The following VGLL4 variants were observed in gnomAD, a reference collection of about 807,000 sequenced individuals.
VGLL4 encodes the protein vestigial like family member 4, also known as transcription cofactor vestigial-like protein 4.
In VGLL4, 7 loss-of-function variants were observed where a neutral mutation model predicts 21.0. That is an observed-to-expected ratio of 0.33 (90% CI 0.19 to 0.63). The LOEUF (loss-of-function observed/expected upper bound fraction) is 0.63, where lower values mean the gene tolerates loss of function less well. VGLL4 is among the 20% of genes least tolerant of loss of function. The pLI, the probability that VGLL4 is intolerant of heterozygous loss-of-function variation, is 0.78. For synonymous variants in VGLL4, 222 were observed against 173.2 expected, an observed-to-expected ratio of 1.28 and a Z score of -2.21; for missense variants, 394 against 425.7, an observed-to-expected ratio of 0.93 and a Z score of 0.66.
intron 2 of VGLL4, among the ~76,000 whole-genome samples, chr3:11,590,217 G>A (rs999436138): frequency 1.3e-5 from 2 of 152,186 alleles, no homozygotes; most frequent in Non-Finnish European, 2.9e-5. Context: ...CTGAGGAAAT[G>A]ACTCCTAACA....
At chr3:11,601,682 T>G in intron 2 of VGLL4, 151 bp downstream of exon 2, 1 of 1,005,756 alleles carries the variant, frequency 9.9e-7, no homozygotes, top group Non-Finnish European at 1.5e-6. Flanking sequence ...TACCTTCTTT[T>G]TGGCAGATGA....
intron 2 of VGLL4, among the ~76,000 whole-genome samples, chr3:11,577,634 A>G (rs1264490818): frequency 6.6e-6 from 1 of 152,134 alleles, no homozygotes; most frequent in Non-Finnish European, 1.5e-5. Flanking sequence ...GCTTTGTCCA[A>G]CTCAGGAGAA....
intron 1 of VGLL4, among the ~76,000 whole-genome samples, chr3:11,717,476 A>G (rs998213169): frequency 2.1e-5 from 3 of 140,336 alleles, no homozygotes; most frequent in Non-Finnish European, 3.0e-5. Flanking sequence ...GTTAAGAGGA[A>G]TTTCCCACTA....
intron 2 of VGLL4, among the ~76,000 whole-genome samples, chr3:11,686,524 C>T (rs9854973): frequency 0.51 from 78,164 of 151,886 alleles, 20,895 homozygotes; most frequent in Non-Finnish European, 0.61. Flanking sequence ...TGGGGAGTTA[C>T]GTGTTCAAAG....
intron 2 of VGLL4, among the ~76,000 whole-genome samples, chr3:11,595,648 A>G (rs1194820541): frequency 6.6e-6 from 1 of 152,166 alleles, no homozygotes; most frequent in Non-Finnish European, 1.5e-5. Context: ...ATGGAATACT[A>G]TGCAGCCATA....
At chr3:11,567,295 G>A (rs570023938) in intron 2 of VGLL4, among the ~76,000 whole-genome samples, 19 of 152,276 alleles carry the variant, frequency 1.2e-4, no homozygotes, top group Non-Finnish European at 2.2e-4. Flanking sequence ...CCCTCAGTGA[G>A]CGCCAAGAGA....
At chr3:11,635,565 G>A (rs543255576) in intron 1 of VGLL4, among the ~76,000 whole-genome samples, 1 of 152,264 alleles carries the variant, frequency 6.6e-6, no homozygotes, top group South Asian at 2.1e-4. Context: ...ACAAAATATA[G>A]AACCAAATAC....
intron 1 of VGLL4, among the ~76,000 whole-genome samples, chr3:11,632,169 C>T (rs561379126): frequency 7.7e-4 from 117 of 152,092 alleles, no homozygotes; most frequent in Non-Finnish European, 1.4e-3. Flanking sequence ...AAAAATTAGC[C>T]GTGTGTAATG....
intron 1 of VGLL4, chr3:11,604,660 G>T: frequency 1.6e-6 from 1 of 607,684 alleles, no homozygotes; most frequent in Non-Finnish European, 2.0e-6. Context: ...CCTTTATTTA[G>T]GATGGGGTGA....
intron 2 of VGLL4, among the ~76,000 whole-genome samples, chr3:11,573,352 AAAGAAAGAAAGAAAG>A (rs2073923893): frequency 1.1e-5 from 1 of 94,578 alleles, no homozygotes. Context: ...AGAAAGAAAG[AAAGAAAGAAAGAAAG>A]AAAGAAAGAA....
chr3:11,580,281 T>G (rs1030933013), intron 2 of VGLL4, among the ~76,000 whole-genome samples: 5 of 152,252 alleles, frequency 3.3e-5, no homozygotes, highest in African/African-American at 1.2e-4. Context: ...TTTCCATGAC[T>G]GGCTTACACA....
chr3:11,634,453 A>C (rs2075547413), intron 1 of VGLL4, among the ~76,000 whole-genome samples: 1 of 152,112 alleles, frequency 6.6e-6, no homozygotes, highest in Admixed American at 6.6e-5. Flanking sequence ...TCTCTTGCCT[A>C]AGCCAGTGCA....
At chr3:11,614,893 C>T (rs2075132431) in intron 1 of VGLL4, among the ~76,000 whole-genome samples, 1 of 152,170 alleles carries the variant, frequency 6.6e-6, no homozygotes, top group African/African-American at 2.4e-5. Flanking sequence ...TTAATTTTTC[C>T]AACTTTTAAT....
In VGLL4 at chr3:11,604,482, C is replaced by T; in HGVS notation, c.83-2460G>A. ...AGGGACAGGTCCGTTCAGTTATGTG[C>T]CTTTATGCATCTTTGGGGCCCCTCC... On this transcript the variant is annotated intron_variant, in intron 1 of 4. Transcript: ENST00000430365. 3 of 956,872 alleles carry T rather than the reference C, an allele frequency of 3.1e-6. 1 individual carries two copies. The highest frequency in any genetic ancestry group is 5.4e-4 in the Middle Eastern group (1 of 1,842). The allele number at this position is 956,872 out of a possible 1,614,324, so 59.3% of individuals were successfully genotyped here.
intron 2 of VGLL4, among the ~76,000 whole-genome samples, chr3:11,655,555 G>C (rs1240687183): frequency 6.6e-6 from 1 of 152,204 alleles, no homozygotes; most frequent in Admixed American, 6.5e-5. Context: ...TCAACACCCA[G>C]TAGCTGGAAT....
chr3:11,647,776 T>A (rs1372682557), upstream of VGLL4, among the ~76,000 whole-genome samples: 1 of 152,054 alleles, frequency 6.6e-6, no homozygotes, highest in Non-Finnish European at 1.5e-5. Context: ...GCCTGGCGCA[T>A]GGTAGGCCAT....
At chr3:11,641,835 C>A (rs1050188586) in intron 1 of VGLL4, among the ~76,000 whole-genome samples, 12 of 151,994 alleles carry the variant, frequency 7.9e-5, no homozygotes, top group African/African-American at 2.4e-4. Flanking sequence ...GCTCGCTGTC[C>A]GTAAGTTGGT....
rs781468006 is a variant in VGLL4, at chr3:11,601,909, T to G, written c.196A>C (p.Met66Leu). The G allele has an allele frequency of 6.2e-7, 1 of 1,613,916 alleles. No individual in the cohort carries two copies. The highest frequency in any genetic ancestry group is 8.5e-7 in the Non-Finnish European group (1 of 1,179,920). ...TCTAGGTCCTCGTCACCTGGCTCCA[T>G]GCTGAACTTCCTCTTGCTGGGGCTG... ...PISPSKRKFS[M>L]EPGDEDLDCD... is the part of the protein sequence containing the mutation. The change falls in exon 2 of 5, where the codon ATG becomes CTG. Residue 66 changes from methionine to leucine, a missense_variant. Coordinates refer to ENST00000430365, the MANE Select transcript of VGLL4 (RefSeq NM_001128219.3).
intron 1 of VGLL4, chr3:11,627,252 T>TCTCTCTCTCTCA: frequency 7.1e-6 from 1 of 141,074 alleles, no homozygotes; most frequent in Non-Finnish European, 1.5e-5. Context: ...TCTCTCTCTG[T>TCTCTCTCTCTCA]CGGTTTTTAA....
Sources: allele counts gnomAD v4.1 joint callset (sites outside exome capture counted in the v4.1 genomes callset), GRCh38; gene constraint gnomAD v4.1.1; transcripts MANE v1.5; gene names NCBI Gene and HGNC (gene_info 2026-07-23, HGNC 2026-07-21).